Variants in GRPEL1 observed in about 807,000 individuals in gnomAD.
GRPEL1 encodes the protein GrpE like 1, mitochondrial.
A neutral mutation model predicts 22.1 loss-of-function variants in GRPEL1; 13 were observed. The ratio of observed to expected loss-of-function variants is 0.59; its 90% CI spans 0.38 to 0.94. The LOEUF is 0.94. Ranked by LOEUF, GRPEL1 falls within the 40% of genes least tolerant of loss-of-function variation. The pLI, the probability that GRPEL1 is intolerant of heterozygous loss-of-function variation, is 0.00. For missense variants in GRPEL1, 289 were observed against 264.6 expected (o/e 1.09, Z -0.64); for synonymous variants, 109 against 105.3 (o/e 1.03, Z -0.21).
rs564999170 is a variant in GRPEL1, at chr4:7,060,480, G to A, written c.*382C>T. ...TAAATACGCCAGTCACTCATGCGCC[G>A]CAGGGACACATGGTGCAGACTGGCG... On this transcript the variant is annotated 3_prime_UTR_variant, in exon 4 of 4. Coordinates refer to ENST00000264954, the MANE Select transcript of GRPEL1 (RefSeq NM_025196.4). The A allele has an allele frequency of 3.7e-5, 7 of 191,444 alleles. No homozygotes were observed. The highest frequency in any genetic ancestry group is 7.6e-5 in the Non-Finnish European group (7 of 92,590). 11.9% of individuals were successfully genotyped at this position (191,444 alleles called of 1,614,324 possible). A position where few individuals can be genotyped will look rare whatever the true frequency, so the allele number is the denominator to read the frequency against.
At chr4:7,063,613 G>T (rs2108791963) in intron 2 of GRPEL1, among the ~76,000 whole-genome samples, 1 of 152,320 alleles carries the variant, frequency 6.6e-6, no homozygotes, top group East Asian at 1.9e-4. Context: ...AATCCTTAAA[G>T]AACTTGATTT....
At position 7,060,795 on chromosome 4, in the gene GRPEL1, G is replaced by C; in HGVS notation, c.*67C>G. The C allele has an allele frequency of 7.3e-7, 1 of 1,376,410 alleles. No individual in the cohort carries two copies. The highest frequency in any genetic ancestry group is 1.0e-6 in the Non-Finnish European group (1 of 997,368). 85.3% of individuals were successfully genotyped at this position (1,376,410 alleles called of 1,614,324 possible). A position where few individuals can be genotyped will look rare whatever the true frequency, so the allele number is the denominator to read the frequency against. On this transcript the variant is annotated 3_prime_UTR_variant, in exon 4 of 4. Transcript: ENST00000264954. ...AAAGGTCACACGTACTCATAGATGA[G>C]AAACAATGAACCAGCCTTGAGAGTT...
chr4:7,067,576 G>A (rs1724200347), intron 1 of GRPEL1: 1 of 260,442 alleles, frequency 3.8e-6, no homozygotes, highest in African/African-American at 2.3e-5. Context: ...CAAAGCTCGA[G>A]CTTCTTTGGT....
chr4:7,064,129 G>T lies in GRPEL1; in HGVS notation c.157C>A (p.Pro53Thr). ...AGGAGGGTCTTCTCTGTAGCAGGAG[G>T]ATCTGCCTTCTGTTCACTCTGACCC... is the stretch of plus-strand genomic sequence containing the variant. ...DMGQSEQKAD[P>T]PATEKTLLEE... Residue 53 changes from proline to threonine, a missense_variant, in exon 2 of 4, where the codon CCT becomes ACT. Transcript: ENST00000264954. 1 of 1,614,204 alleles carries T rather than the reference G, an allele frequency of 6.2e-7. No individual in the cohort carries two copies. Among genetic ancestry groups the T allele is most frequent in the African/African-American group, 1.3e-5 (1 of 75,050 alleles).
chr4:7,064,041 A>G lies in GRPEL1; in HGVS notation c.225+20T>C. ...ACAGTTCAGCCGAGCCCGCCCCCAC[A>G]GGAGCCTCACAGTCCTCACCACAGT... On this transcript the variant is annotated intron_variant, in intron 2 of 3. Transcript: ENST00000264954. 6.2e-7 allele frequency: 1 copy of G among 1,608,766 alleles called. No homozygotes were observed. Among genetic ancestry groups the G allele is most frequent in the Admixed American group, 1.7e-5 (1 of 59,390 alleles).
rs1723961781 is a variant in GRPEL1, at chr4:7,058,939, T to A, written c.*1923A>T. 1 of 152,246 alleles carries A rather than the reference T, an allele frequency of 6.6e-6. No homozygotes were observed. Among genetic ancestry groups the A allele is most frequent in the Admixed American group, 6.5e-5 (1 of 15,292 alleles). The allele number at this position is 152,246 out of a possible 1,614,324, so 9.4% of individuals were successfully genotyped here. A position where few individuals can be genotyped will look rare whatever the true frequency, so the allele number is the denominator to read the frequency against. On this transcript the variant is annotated 3_prime_UTR_variant, in exon 4 of 4. Coordinates refer to ENST00000264954, the MANE Select transcript of GRPEL1 (RefSeq NM_025196.4). ...GTACCTTTACTATGTTATGTTCAGA[T>A]ACACAGATACCATTGTGTTAACAGT...
Position 7,061,178 on chromosome 4 carries a change from T to C in GRPEL1, c.338A>G (p.Glu113Gly). ...TGCCTTCTCCAGAACGTCTGCCACC[T>C]CCAACAAGTCCTTGCAGAAGGCTTG... ...GIQAFCKDLLEVADVLEKATQ... is the reference protein window; with the variant it reads ...GIQAFCKDLLGVADVLEKATQ... The change falls in exon 4 of 4, where the codon GAG becomes GGG. Residue 113 changes from glutamate to glycine, a missense_variant. Glu to Gly is a moderately conservative substitution (Grantham distance 98, BLOSUM62 -2). Transcript: ENST00000264954. 6.2e-7 allele frequency: 1 copy of C among 1,612,566 alleles called. No homozygotes were observed. The highest frequency in any genetic ancestry group is 8.5e-7 in the Non-Finnish European group (1 of 1,179,260).
chr4:7,067,773 C>T (rs1724210379), intron 1 of GRPEL1, among the ~76,000 whole-genome samples, 198 bp downstream of exon 1: 1 of 152,256 alleles, frequency 6.6e-6, no homozygotes, highest in Admixed American at 6.5e-5. Flanking sequence ...TCCACGCTTC[C>T]CAAGCCCTGA....
At chr4:7,062,277 C>CA in intron 3 of GRPEL1, 108 bp downstream of exon 3, 1 of 280,846 alleles carries the variant, frequency 3.6e-6, no homozygotes, top group Non-Finnish European at 6.7e-6. Flanking sequence ...AACAGCTGGA[C>CA]CCCCCACCCC....
At position 7,061,148 on chromosome 4, in the gene GRPEL1, T is replaced by C; in HGVS notation, c.368A>G (p.Gln123Arg). The change falls in exon 4 of 4, where the codon CAG (glutamine) becomes CGG (arginine). Residue 123 changes from glutamine to arginine, a missense_variant. By Grantham distance (43) the Gln-to-Arg change is conservative. Coordinates refer to ENST00000264954, the MANE Select transcript of GRPEL1 (RefSeq NM_025196.4). Reference sequence around the variant, plus strand: ...TTTAATTTCTTCTTTTGGAACACACTGTGTTGCCTTCTCCAGAACGTCTGC... The same window carrying C: ...TTTAATTTCTTCTTTTGGAACACACCGTGTTGCCTTCTCCAGAACGTCTGC... ...EVADVLEKAT[Q>R]CVPKEEIKDD... 6.2e-7 allele frequency: 1 copy of C among 1,614,158 alleles called. No individual in the cohort carries two copies. Among genetic ancestry groups the C allele is most frequent in the African/African-American group, 1.3e-5 (1 of 75,050 alleles).
At chr4:7,067,386 G>A (rs916897308) in intron 1 of GRPEL1, 1 of 153,884 alleles carries the variant, frequency 6.5e-6, no homozygotes. Flanking sequence ...GGAGAAGGCG[G>A]AGTGAAGGAA....
intron 3 of GRPEL1, 183 bp downstream of exon 3, chr4:7,062,202 C>G (rs1457923739): frequency 2.6e-6 from 1 of 383,696 alleles, no homozygotes; most frequent in South Asian, 5.1e-5. Flanking sequence ...GTCTCAGCTA[C>G]TTGATTTCTG....
intron 1 of GRPEL1, among the ~76,000 whole-genome samples, chr4:7,065,939 C>T (rs894904026): frequency 5.3e-5 from 8 of 151,714 alleles, no homozygotes; most frequent in Non-Finnish European, 7.4e-5. Context: ...CTGCAAGCTC[C>T]GCCGCCCGGG....
chr4:7,062,841 C>T (rs1724078477), intron 2 of GRPEL1, among the ~76,000 whole-genome samples: 1 of 152,074 alleles, frequency 6.6e-6, no homozygotes. Context: ...GGAACAAAGT[C>T]ATAGGAAAGC....
At chr4:7,065,942 C>T (rs1348531481) in intron 1 of GRPEL1, among the ~76,000 whole-genome samples, 4 of 151,926 alleles carry the variant, frequency 2.6e-5, no homozygotes, top group Admixed American at 2.0e-4. Context: ...CAAGCTCCGC[C>T]GCCCGGGTTC....
chr4:7,067,279 T>G (rs1724191709), intron 1 of GRPEL1, among the ~76,000 whole-genome samples: 1 of 149,568 alleles, frequency 6.7e-6, no homozygotes, highest in African/African-American at 2.4e-5. Context: ...AAAGGGGCAC[T>G]GTCTCGTGGC....
intron 1 of GRPEL1, 75 bp downstream of exon 1, chr4:7,067,896 G>A: frequency 2.0e-6 from 3 of 1,494,512 alleles, no homozygotes; most frequent in Admixed American, 1.8e-5. Context: ...AGGAGGCCCC[G>A]GGGCCGGGAA....
In GRPEL1 at chr4:7,065,750, G is replaced by A. The variant is rs567178406; in HGVS notation, c.63-1527C>T. 5.3e-5 allele frequency among the ~76,000 whole-genome samples: 8 copies of A among 152,186 alleles called. No homozygotes were observed. The Middle Eastern group carries it at 0.014, about 259-fold the overall frequency. On this transcript the variant is annotated intron_variant, in intron 1 of 3. Coordinates refer to ENST00000264954, the MANE Select transcript of GRPEL1 (RefSeq NM_025196.4). The stretch of plus-strand genomic sequence containing the variant: ...GACAGGAAAGCATGGGATATGTACC[G>A]GTGAAATAGACCAAGACCAAGTGAT...
rs764144378 is a variant in GRPEL1, at chr4:7,061,020, C to T, written c.496G>A (p.Val166Ile). ...TKHGLLKLNP[V>I]GAKFDPYEHE... ...TCATAAGGGTCGAACTTGGCTCCGA[C>T]AGGGTTCAACTTGAGCAAGCCATGC... Residue 166 changes from valine to isoleucine, a missense_variant, in exon 4 of 4, where the codon GTC (valine) becomes ATC (isoleucine). Val to Ile is a conservative substitution (Grantham distance 29). Coordinates refer to ENST00000264954, the MANE Select transcript of GRPEL1 (RefSeq NM_025196.4). 26 of 1,614,104 alleles carry T rather than the reference C, an allele frequency of 1.6e-5. No individual in the cohort carries two copies. Among genetic ancestry groups the T allele is most frequent in the Non-Finnish European group, 2.2e-5 (26 of 1,180,044 alleles).
Sources: allele counts gnomAD v4.1 joint callset (sites outside exome capture counted in the v4.1 genomes callset), GRCh38; gene constraint gnomAD v4.1.1; transcripts MANE v1.5; gene names NCBI Gene and HGNC (gene_info 2026-07-23, HGNC 2026-07-21).